SORBS2: variants seen among roughly 807,000 people sequenced by gnomAD.
The protein encoded by SORBS2 is sorbin and SH3 domain containing 2.
Under a neutral mutation model 97.7 loss-of-function variants are expected in SORBS2, and 46 were observed. The observed-to-expected ratio is 0.47, with a 90% confidence interval of 0.37 to 0.60. The LOEUF (loss-of-function observed/expected upper bound fraction) is 0.60, where lower values mean the gene tolerates loss of function less well. SORBS2 is among the 20% of genes least tolerant of loss of function. SORBS2 has a pLI of 0.00. For synonymous variants in SORBS2, 476 were observed against 473.4 expected, an observed-to-expected ratio of 1.01 and a Z score of -0.07; for missense variants, 1,316 against 1,282.3, an observed-to-expected ratio of 1.03 and a Z score of -0.40.
At chr4:185,738,872 G>A (rs919105177) in intron 2 of SORBS2, among the ~76,000 whole-genome samples, 2 of 152,094 alleles carry the variant, frequency 1.3e-5, no homozygotes, top group African/African-American at 2.4e-5. Context: ...TTATTAGAAA[G>A]CATTCAAGAA....
chr4:185,662,240 G>T (rs759506856), exon 5 of SORBS2: 2 of 1,605,540 alleles, frequency 1.2e-6, no homozygotes, highest in Non-Finnish European at 1.7e-6. Flanking sequence ...CTGTTATCTG[G>T]CTCTGAGAAA....
chr4:185,863,673 T>C (rs1249244318), intron 1 of SORBS2, among the ~76,000 whole-genome samples: 1 of 152,238 alleles, frequency 6.6e-6, no homozygotes, highest in African/African-American at 2.4e-5. Context: ...ATTTTTATGA[T>C]TTCTAAGCAG....
intron 1 of SORBS2, among the ~76,000 whole-genome samples, chr4:185,816,056 T>G (rs907882970): frequency 6.6e-6 from 1 of 152,232 alleles, no homozygotes; most frequent in Non-Finnish European, 1.5e-5. Flanking sequence ...ACTGTTACTC[T>G]GAGGAGGCTA....
chr4:185,926,336 G>A (rs1395865262), intron 1 of SORBS2, among the ~76,000 whole-genome samples: 2 of 152,202 alleles, frequency 1.3e-5, no homozygotes, highest in African/African-American at 2.4e-5. Context: ...AAGTGGATGA[G>A]TTTAGGCTGA....
chr4:185,666,843 A>G (rs180737000), intron 4 of SORBS2, among the ~76,000 whole-genome samples: 14 of 152,366 alleles, frequency 9.2e-5, no homozygotes, highest in African/African-American at 3.4e-4. Context: ...AGCCACTGAT[A>G]ATAGTTAGAA....
chr4:185,886,306 A>C (rs2099239425), intron 1 of SORBS2, among the ~76,000 whole-genome samples: 1 of 152,176 alleles, frequency 6.6e-6, no homozygotes, highest in South Asian at 2.1e-4. Flanking sequence ...CTGTAATCCC[A>C]GCACTTCAGG....
At chr4:185,656,689 G>T in exon 1 of SORBS2, 2 of 1,549,488 alleles carry the variant, frequency 1.3e-6, no homozygotes, top group South Asian at 1.2e-5. Flanking sequence ...TCTTCCAGTG[G>T]ACTTGGTCAG....
At chr4:185,720,552 G>C (rs2098504710) in intron 2 of SORBS2, among the ~76,000 whole-genome samples, 1 of 152,014 alleles carries the variant, frequency 6.6e-6, no homozygotes, top group Admixed American at 6.6e-5. Context: ...TTTCCTTTCT[G>C]TGTCCCTCCC....
At chr4:185,635,293 C>T (rs1561556658) in intron 4 of SORBS2, 62 bp downstream of exon 16, 3 of 1,189,710 alleles carry the variant, frequency 2.5e-6, no homozygotes, top group East Asian at 2.4e-5. Flanking sequence ...CACAGATGTG[C>T]AGAATCACAG....
intron 4 of SORBS2, chr4:185,676,924 G>A: frequency 2.4e-6 from 3 of 1,263,254 alleles, no homozygotes; most frequent in East Asian, 5.1e-5. Flanking sequence ...CATATAAGAA[G>A]CCCAAACCAA....
chr4:185,669,639 C>T (rs2097678154), intron 4 of SORBS2, among the ~76,000 whole-genome samples: 1 of 152,102 alleles, frequency 6.6e-6, no homozygotes, highest in Non-Finnish European at 1.5e-5. Flanking sequence ...GAGATAAATT[C>T]TGTTTCAATG....
At chr4:185,784,419 C>T (rs1026716227) in intron 1 of SORBS2, among the ~76,000 whole-genome samples, 1 of 152,166 alleles carries the variant, frequency 6.6e-6, no homozygotes, top group Non-Finnish European at 1.5e-5. Flanking sequence ...CGTGAGCCAC[C>T]GCGCCAGGCT....
Position 185,623,112 on chromosome 4 carries a change from G to T in SORBS2, c.2017C>A (p.Pro673Thr), listed in dbSNP as rs561155809. The T allele has an allele frequency of 8.7e-6, 14 of 1,614,124 alleles. No individual in the cohort carries two copies. The South Asian group carries it at 1.5e-4, about 18-fold the overall frequency. Residue 673 changes from proline (P) to threonine (T), a missense_variant, in exon 7 of 15, where the codon CCC becomes ACC. By Grantham distance (38) the Pro-to-Thr change is conservative (BLOSUM62 -1). Coordinates refer to ENST00000418609, the Ensembl canonical transcript of SORBS2. This position sits in a 1 kb window ranked among gnomAD's most constrained non-coding sequence, Gnocchi z 6.4. ...GCTCTCAGGGATGAGTTCCTCTCGGGAACATCTGGCAGCAGCTCACTGATG... is the reference window on the plus strand; with the variant it reads ...GCTCTCAGGGATGAGTTCCTCTCGGTAACATCTGGCAGCAGCTCACTGATG...
chr4:185,834,959 T>C (rs2099207207), intron 1 of SORBS2, among the ~76,000 whole-genome samples: 1 of 152,200 alleles, frequency 6.6e-6, no homozygotes, highest in African/African-American at 2.4e-5. Flanking sequence ...GAGGTGGGAC[T>C]GGTGGGAGGT....
intron 2 of SORBS2, among the ~76,000 whole-genome samples, chr4:185,741,670 C>T (rs71624717): frequency 0.14 from 21,311 of 152,088 alleles, 1,754 homozygotes; most frequent in South Asian, 0.21. Flanking sequence ...GGCCTGTCCT[C>T]ACTTTTTATC....
At chr4:185,601,370 T>A (rs6843640) in intron 12 of SORBS2, among the ~76,000 whole-genome samples, 30,556 of 152,100 alleles carry the variant, frequency 0.2, 4,384 homozygotes, top group African/African-American at 0.4. Flanking sequence ...ATTCTGGGAC[T>A]TGGCCTTCAA....
Position 185,635,341 on chromosome 4 carries a change from T to A in SORBS2, c.397-4743A>T. 1 of 1,589,202 alleles carries A rather than the reference T, an allele frequency of 6.3e-7. No homozygotes were observed. The highest frequency in any genetic ancestry group is 8.6e-7 in the Non-Finnish European group (1 of 1,157,774). On this transcript the variant is annotated intron_variant, in intron 4 of 14. Coordinates refer to ENST00000418609, the Ensembl canonical transcript of SORBS2. Reference sequence around the variant, plus strand: ...AGGGAGATATCTGAAAAAGAGAGAATAACGTGTTTTTACCTCATTGAAAAC... The same window carrying A: ...AGGGAGATATCTGAAAAAGAGAGAAAAACGTGTTTTTACCTCATTGAAAAC...
chr4:185,810,968 T>C (rs1585210574), intron 1 of SORBS2: 1 of 152,278 alleles, frequency 6.6e-6, no homozygotes, highest in East Asian at 1.9e-4. Flanking sequence ...ATGCAGAGGC[T>C]TCGCTTCCTT....
At chr4:185,838,444 T>G (rs1038555046) in intron 1 of SORBS2, among the ~76,000 whole-genome samples, 4 of 152,098 alleles carry the variant, frequency 2.6e-5, no homozygotes, top group African/African-American at 9.7e-5. Flanking sequence ...AAGGGCTGTC[T>G]GGGGGGCTCA....
Sources: allele counts gnomAD v4.1 joint callset (sites outside exome capture counted in the v4.1 genomes callset), GRCh38; gene constraint gnomAD v4.1.1; non-coding constraint Gnocchi (gnomAD v3.1); transcripts MANE v1.5; gene names NCBI Gene and HGNC (gene_info 2026-07-23, HGNC 2026-07-21).